SIVA1: variants seen among roughly 807,000 people sequenced by gnomAD.
SIVA1 encodes the protein apoptosis regulatory protein Siva.
In SIVA1, 10 loss-of-function variants were observed where a neutral mutation model predicts 19.7. That is an observed-to-expected ratio of 0.51 (90% confidence interval 0.31 to 0.86). The LOEUF is 0.86. Ranked by LOEUF, SIVA1 falls within the 40% of genes least tolerant of loss-of-function variation. The pLI, the probability that SIVA1 is intolerant of heterozygous loss-of-function variation, is 0.04. For synonymous variants in SIVA1, 130 were observed against 106.1 expected, an observed-to-expected ratio of 1.23 and a Z score of -1.39; for missense variants, 241 against 245.2, an observed-to-expected ratio of 0.98 and a Z score of 0.11.
At chr14:104,756,552 C>A (rs370262807) in intron 2 of SIVA1, 52 bp from the exon 3 acceptor site, 1 of 1,609,730 alleles carries the variant, frequency 6.2e-7, no homozygotes, top group Non-Finnish European at 8.5e-7. Context: ...CCGGCAGTCC[C>A]GGAAACTCCA....
chr14:104,755,572 A>T, intron 1 of SIVA1, 58 bp from the exon 2 acceptor site: 1 of 1,475,162 alleles, frequency 6.8e-7, no homozygotes. Flanking sequence ...CTCAATGGCC[A>T]TGCAGGGGCT....
chr14:104,753,627 C>T (rs765942796), intron 1 of SIVA1: 9 of 465,376 alleles, frequency 1.9e-5, no homozygotes, highest in South Asian at 6.3e-5. Flanking sequence ...GAGCGGCACC[C>T]GCCTGGTGCT....
chr14:104,758,491 CT>C (rs5811150), intron 3 of SIVA1: 66 of 137,386 alleles, frequency 4.8e-4, no homozygotes, highest in Middle Eastern at 3.7e-3. Context: ...TTAGAGCTTT[CT>C]TTTTTTTTTT....
rs1183895242 is a variant in SIVA1, at chr14:104,759,365, G to T, written c.471-63G>T. 4.3e-6 allele frequency: 6 copies of T among 1,382,736 alleles called. No homozygotes were observed. The highest frequency in any genetic ancestry group is 4.8e-5 in the East Asian group (2 of 41,768). 85.7% of individuals were successfully genotyped at this position (1,382,736 alleles called of 1,614,324 possible). A position where few individuals can be genotyped will look rare whatever the true frequency, so the allele number is the denominator to read the frequency against. On this transcript the variant is annotated intron_variant, in intron 3 of 3. Coordinates refer to ENST00000329967, the MANE Select transcript of SIVA1 (RefSeq NM_006427.4). This position sits in a 1 kb window ranked among gnomAD's most constrained non-coding sequence, Gnocchi z 4.2. The stretch of plus-strand genomic sequence containing the variant: ...GGACTTTGACGTTTGAATGGTGGGG[G>T]GTGGTGGACACAATTCAGCCCCTGA...
chr14:104,753,620 C>G (rs1891782275), intron 1 of SIVA1: 2 of 467,438 alleles, frequency 4.3e-6, no homozygotes, highest in African/African-American at 2.0e-5. Context: ...CTGCAGTGAG[C>G]GGCACCCGCC....
Position 104,759,640 on chromosome 14 carries a change from C to CCTG in SIVA1, c.*155_*156insCTG. The CCTG allele has an allele frequency of 1.7e-6, 1 of 575,476 alleles. No individual in the cohort carries two copies. Among genetic ancestry groups the CCTG allele is most frequent in the Non-Finnish European group, 3.1e-6 (1 of 326,314 alleles). 35.6% of individuals were successfully genotyped at this position (575,476 alleles called of 1,614,324 possible). On this transcript the variant is annotated 3_prime_UTR_variant, in exon 4 of 4. Transcript: ENST00000329967. The surrounding 1 kb of genome is among the most constrained non-coding windows in gnomAD (Gnocchi z 4.2). The stretch of plus-strand genomic sequence containing the variant: ...TATCCTAATGACAGAATGAATAAAC[C>CCTG]TCTTTATATTTGCACAAGAGGACTC...
intron 1 of SIVA1, among the ~76,000 whole-genome samples, chr14:104,753,531 C>G (rs1891778197): frequency 6.6e-6 from 1 of 152,204 alleles, no homozygotes; most frequent in African/African-American, 2.4e-5. Context: ...GTTCGCCCAC[C>G]CTGTCCAACA....
Position 104,759,361 on chromosome 14 carries a change from G to T in SIVA1, c.471-67G>T. The T allele has an allele frequency of 3.0e-6, 4 of 1,344,692 alleles. No individual in the cohort carries two copies. Among genetic ancestry groups the T allele is most frequent in the Non-Finnish European group, 4.2e-6 (4 of 951,606 alleles). 83.3% of individuals were successfully genotyped at this position (1,344,692 alleles called of 1,614,324 possible). The stretch of plus-strand genomic sequence containing the variant: ...GTTAGGACTTTGACGTTTGAATGGT[G>T]GGGGGTGGTGGACACAATTCAGCCC... On this transcript the variant is annotated intron_variant, in intron 3 of 3. Transcript: ENST00000329967. This position sits in a 1 kb window ranked among gnomAD's most constrained non-coding sequence, Gnocchi z 4.2.
Position 104,754,264 on chromosome 14 carries a change from G to T in SIVA1, c.118+945G>T, listed in dbSNP as rs368303474. 5.9e-5 allele frequency among the ~76,000 whole-genome samples: 9 copies of T among 152,296 alleles called. No homozygotes were observed. The East Asian group carries it at 7.7e-4, about 13-fold the overall frequency. ...TAGAGCAGTTAGAGGATGACCCGGG[G>T]TGTGTGATTTACCTGGTGCCGCTTG... On this transcript the variant is annotated intron_variant, in intron 1 of 3. Coordinates refer to ENST00000329967, the MANE Select transcript of SIVA1 (RefSeq NM_006427.4).
Position 104,759,443 on chromosome 14 carries a change from C to T in SIVA1, c.486C>T (p.Tyr162=), listed in dbSNP as rs202092612. The T allele has an allele frequency of 6.8e-6, 11 of 1,613,166 alleles. No homozygotes were observed. The highest frequency in any genetic ancestry group is 6.7e-5 in the Admixed American group (4 of 59,976). The change falls in exon 4 of 4, where the codon TAC becomes TAT. Residue 162 remains tyrosine, a synonymous_variant. Transcript: ENST00000329967. This position sits in a 1 kb window ranked among gnomAD's most constrained non-coding sequence, Gnocchi z 4.2. ...GCTGTCGCAGCTGCAGTGACATGTA[C>T]GAGAAAGTGCTGTGCACCAGCTGTG... The part of the protein sequence containing the change: ...LCGLVDCSDM[Y]EKVLCTSCAM...
At chr14:104,756,955 G>A (rs1891910846) in intron 3 of SIVA1, 195 bp downstream of exon 3, 1 of 634,246 alleles carries the variant, frequency 1.6e-6, no homozygotes, top group South Asian at 2.0e-5. Context: ...CCTCTCTAAG[G>A]GAAAGCTGAA....
intron 2 of SIVA1, chr14:104,756,051 TC>T: frequency 1.5e-6 from 1 of 656,012 alleles, no homozygotes. Flanking sequence ...CAGCAGAGAC[TC>T]CCCGGGTATC....
At position 104,759,602 on chromosome 14, in the gene SIVA1, A is replaced by G. The variant is rs1416473725; in HGVS notation, c.*117A>G. The G allele has an allele frequency of 8.2e-6, 6 of 731,218 alleles. No homozygotes were observed. Among genetic ancestry groups the G allele is most frequent in the African/African-American group, 1.8e-5 (1 of 56,656 alleles). The allele number at this position is 731,218 out of a possible 1,614,324, so 45.3% of individuals were successfully genotyped here. A position where few individuals can be genotyped will look rare whatever the true frequency, so the allele number is the denominator to read the frequency against. ...GGTCGACGGGAGGGGTGCCTTTTAC[A>G]TGTTCTATTTTGTATCCTAATGACA... On this transcript the variant is annotated 3_prime_UTR_variant, in exon 4 of 4. Transcript: ENST00000329967. This position sits in a 1 kb window ranked among gnomAD's most constrained non-coding sequence, Gnocchi z 4.2.
chr14:104,756,114 C>A, intron 2 of SIVA1: 1 of 556,204 alleles, frequency 1.8e-6, no homozygotes, highest in Non-Finnish European at 3.3e-6. Context: ...AGGCTGGAAA[C>A]ATGCCAGTCC....
In SIVA1 at chr14:104,756,755, C is replaced by T. The variant is rs141676471; in HGVS notation, c.465C>T (p.Leu155=). The stretch of plus-strand genomic sequence containing the variant: ...CCGTGGCCTGTACCCTGTGTGGCCT[C>T]GTGGAGTAAGTACTTCAGTCCCTGG... The part of the protein sequence containing the change: ...CGSVACTLCG[L]VDCSDMYEKV... The change falls in exon 3 of 4, where the codon CTC becomes CTT. Residue 155 remains leucine (L), a synonymous_variant. Transcript: ENST00000329967. 1.7e-4 allele frequency: 272 copies of T among 1,610,206 alleles called. No individual in the cohort carries two copies. Among genetic ancestry groups the T allele is most frequent in the Non-Finnish European group, 2.2e-4 (264 of 1,177,580 alleles).
chr14:104,757,074 C>A, intron 3 of SIVA1: 1 of 436,174 alleles, frequency 2.3e-6, no homozygotes, highest in South Asian at 2.3e-5. Flanking sequence ...TTGAGCCCCC[C>A]CTCCCCCCGT....
intron 1 of SIVA1, among the ~76,000 whole-genome samples, chr14:104,754,818 G>T (rs1891831134): frequency 6.6e-6 from 1 of 152,236 alleles, no homozygotes; most frequent in South Asian, 2.1e-4. Flanking sequence ...GCAGGGTGTT[G>T]TGGGCTGGCA....
intron 1 of SIVA1, among the ~76,000 whole-genome samples, chr14:104,754,788 T>TG (rs1249314480): frequency 6.6e-6 from 1 of 152,006 alleles, no homozygotes; most frequent in Non-Finnish European, 1.5e-5. Context: ...GGGGAAGGTG[T>TG]GGGGGGCCAG....
chr14:104,754,132 G>C (rs1891807255), intron 1 of SIVA1, among the ~76,000 whole-genome samples: 1 of 152,152 alleles, frequency 6.6e-6, no homozygotes, highest in Admixed American at 6.5e-5. Flanking sequence ...GATTTCAGGC[G>C]TGTTGATCTT....
Sources: allele counts gnomAD v4.1 joint callset (sites outside exome capture counted in the v4.1 genomes callset), GRCh38; gene constraint gnomAD v4.1.1; non-coding constraint Gnocchi (gnomAD v3.1); transcripts MANE v1.5; gene names NCBI Gene and HGNC (gene_info 2026-07-23, HGNC 2026-07-21).